The following ZNF724 variants were observed in gnomAD, a reference collection of about 807,000 sequenced individuals.
The protein encoded by ZNF724 is zinc finger protein 724 pseudogene.
Under a neutral mutation model 29.3 loss-of-function variants are expected in ZNF724, and 14 were observed. The ratio of observed to expected loss-of-function variants is 0.48; its 90% CI spans 0.32 to 0.75. ZNF724 has a LOEUF of 0.75. Ranked by LOEUF, ZNF724 falls within the 30% of genes least tolerant of loss-of-function variation. The pLI is 0.04. For missense variants in ZNF724, 557 were observed against 571.2 expected, an observed-to-expected ratio of 0.98 and a Z score of 0.25; for synonymous variants, 180 against 193.6, an observed-to-expected ratio of 0.93 and a Z score of 0.58.
At chr19:23,234,321 ATAAT>A (rs1181578936) in intron 1 of ZNF724, among the ~76,000 whole-genome samples, 7 of 152,240 alleles carry the variant, frequency 4.6e-5, no homozygotes, top group Non-Finnish European at 1.0e-4. Context: ...GGGATTTCTA[ATAAT>A]TAGCCATGTA....
chr19:23,241,162 A>G (rs777118562), intron 1 of ZNF724, among the ~76,000 whole-genome samples: 2 of 152,236 alleles, frequency 1.3e-5, no homozygotes, highest in Admixed American at 1.3e-4. Flanking sequence ...ATCTAAAGGA[A>G]GTGGATAAAT....
intron 1 of ZNF724, among the ~76,000 whole-genome samples, chr19:23,238,237 C>T (rs1053698096): frequency 7.9e-5 from 12 of 152,074 alleles, no homozygotes; most frequent in African/African-American, 2.2e-4. Flanking sequence ...TGGTGGTGGG[C>T]GCCTGTAGTA....
Position 23,223,051 on chromosome 19 carries a change from T to C in ZNF724, c.1194A>G (p.Glu398=), listed in dbSNP as rs878875554. 3.1e-6 allele frequency: 4 copies of C among 1,296,820 alleles called. No homozygotes were observed. Among genetic ancestry groups the C allele is most frequent in the Non-Finnish European group, 4.5e-6 (4 of 892,250 alleles). The allele number at this position is 1,296,820 out of a possible 1,614,324, so 80.3% of individuals were successfully genotyped here. Residue 398 remains glutamate (E), a synonymous_variant, in exon 4 of 4, where the codon GAA becomes GAG. Transcript: ENST00000418100. ...AGGATGTGTTAAAGGCTTTGCCACA[T>C]TCTTCACATTTGTATGGTTTTTCTC... ...HTGEKPYKCE[E]CGKAFNTSSH...
intron 3 of ZNF724, among the ~76,000 whole-genome samples, chr19:23,225,440 A>G (rs1971809808): frequency 6.6e-6 from 1 of 152,068 alleles, no homozygotes; most frequent in African/African-American, 2.4e-5. Context: ...CCCCATTTCT[A>G]TAGGATACAA....
At chr19:23,224,117 G>C in intron 3 of ZNF724, 99 bp from the exon 4 acceptor site, 1 of 541,974 alleles carries the variant, frequency 1.8e-6, no homozygotes, top group Non-Finnish European at 3.2e-6. Flanking sequence ...ACATAAACAA[G>C]ATTGCATAAG....
chr19:23,245,613 CAA>C (rs879269701), intron 1 of ZNF724, among the ~76,000 whole-genome samples: 5 of 137,888 alleles, frequency 3.6e-5, no homozygotes, highest in Admixed American at 7.4e-5. Context: ...GACTCCATCT[CAA>C]AAAAAAAAAA....
chr19:23,228,608 A>T (rs1285814823), intron 3 of ZNF724, among the ~76,000 whole-genome samples: 1 of 151,766 alleles, frequency 6.6e-6, no homozygotes, highest in Non-Finnish European at 1.5e-5. Flanking sequence ...TACAAAAATT[A>T]TCCAGGCATG....
Position 23,243,921 on chromosome 19 carries a change from C to T in ZNF724, c.3+6319G>A, listed in dbSNP as rs1003397470. Among the ~76,000 whole-genome samples, 5 of 127,730 alleles carry T rather than the reference C, an allele frequency of 3.9e-5. 1 individual carries two copies. The highest frequency in any genetic ancestry group is 6.1e-5 in the African/African-American group (2 of 33,012). The allele number at this position is 127,730 out of a possible 152,430, so 83.8% of individuals were successfully genotyped here. A position where few individuals can be genotyped will look rare whatever the true frequency, so the allele number is the denominator to read the frequency against. ...CTGGACAACAAGAGTGAAACTCCAT[C>T]TCAAAAAAAAAAAAAATTAAATTAA... On this transcript the variant is annotated intron_variant, in intron 1 of 3. Coordinates refer to ENST00000418100, the MANE Select transcript of ZNF724 (RefSeq NM_001355404.2).
At chr19:23,249,050 A>C (rs1413456628) in intron 1 of ZNF724, among the ~76,000 whole-genome samples, 1 of 152,060 alleles carries the variant, frequency 6.6e-6, no homozygotes, top group Non-Finnish European at 1.5e-5. Context: ...AGAAACAAAC[A>C]AACAAAGACA....
intron 3 of ZNF724, among the ~76,000 whole-genome samples, chr19:23,227,954 A>C (rs1388505880): frequency 6.6e-6 from 1 of 152,136 alleles, no homozygotes; most frequent in African/African-American, 2.4e-5. Context: ...ATAAAAGGTG[A>C]CCTATTTTCT....
chr19:23,240,455 GGAC>G (rs1014600723), intron 1 of ZNF724, among the ~76,000 whole-genome samples: 10 of 151,844 alleles, frequency 6.6e-5, no homozygotes, highest in Admixed American at 5.3e-4. Flanking sequence ...CAAAATTATT[GGAC>G]GACATTATTC....
Position 23,223,136 on chromosome 19 carries a change from T to C in ZNF724, c.1109A>G (p.Glu370Gly), listed in dbSNP as rs1334566800. 7.8e-7 allele frequency: 1 copy of C among 1,285,978 alleles called. No homozygotes were observed. The highest frequency in any genetic ancestry group is 1.1e-6 in the Non-Finnish European group (1 of 882,062). 79.7% of individuals were successfully genotyped at this position (1,285,978 alleles called of 1,614,324 possible). Residue 370 changes from glutamate to glycine, a missense_variant, in exon 4 of 4, where the codon GAG (glutamate) becomes GGG (glycine). Transcript: ENST00000418100. ...GGACACGTTAAAGGCTTTGCCACAC[T>C]CTTCACATTTGTAAGGTTTCTCTCC... Reference protein sequence around the residue: ...HTGEKPYKCEECGKAFNVSST... With the variant: ...HTGEKPYKCEGCGKAFNVSST...
chr19:23,239,503 A>G (rs568756357), intron 1 of ZNF724, among the ~76,000 whole-genome samples: 17 of 152,338 alleles, frequency 1.1e-4, no homozygotes, highest in Non-Finnish European at 2.1e-4. Context: ...GCAGAAATCA[A>G]TAAGTTCTTT....
At chr19:23,248,758 GCTGAGGCCGGTGGATCAC>G (rs1415009042) in intron 1 of ZNF724, among the ~76,000 whole-genome samples, 1 of 152,088 alleles carries the variant, frequency 6.6e-6, no homozygotes, top group Non-Finnish European at 1.5e-5. Context: ...ACTTAGGGAG[GCTGAGGCCGGTGGATCAC>G]CTGAGGTCAA....
chr19:23,239,203 C>A (rs537915311), intron 1 of ZNF724, among the ~76,000 whole-genome samples: 13 of 152,288 alleles, frequency 8.5e-5, no homozygotes, highest in African/African-American at 2.4e-4. Context: ...GACCTAAACT[C>A]AACATTTGAC....
chr19:23,231,213 CTTGACATT>C (rs1971928606), intron 3 of ZNF724, 45 bp downstream of exon 3: 1 of 1,188,900 alleles, frequency 8.4e-7, no homozygotes, highest in Non-Finnish European at 1.2e-6. Context: ...TGACTTTCTC[CTTGACATT>C]TGGACCTCTC....
intron 3 of ZNF724, among the ~76,000 whole-genome samples, chr19:23,228,353 G>A (rs1323409369): frequency 3.3e-5 from 5 of 151,666 alleles, no homozygotes; most frequent in African/African-American, 1.2e-4. Context: ...GGGAGGCTGA[G>A]ACAGCAGAAT....
At chr19:23,233,304 A>C (rs1361962676) in intron 1 of ZNF724, among the ~76,000 whole-genome samples, 3 of 152,168 alleles carry the variant, frequency 2.0e-5, no homozygotes, top group Non-Finnish European at 4.4e-5. Context: ...TTTCTTTAGC[A>C]CCCTAGAGAA....
chr19:23,224,248 A>G (rs189636619), intron 3 of ZNF724, among the ~76,000 whole-genome samples: 32 of 152,086 alleles, frequency 2.1e-4, no homozygotes, highest in African/African-American at 6.7e-4. Flanking sequence ...CATCTTTACT[A>G]AAAAATACAA....
Sources: allele counts gnomAD v4.1 joint callset (sites outside exome capture counted in the v4.1 genomes callset), GRCh38; gene constraint gnomAD v4.1.1; transcripts MANE v1.5; gene names NCBI Gene and HGNC (gene_info 2026-07-23, HGNC 2026-07-21).